Variants in SHC2 observed in about 807,000 individuals in gnomAD.
SHC2 encodes SHC-transforming protein 2.
A neutral mutation model predicts 60.6 loss-of-function variants in SHC2; 62 were observed. That is an observed-to-expected ratio of 1.02 (90% CI 0.83 to 1.26). SHC2 has a LOEUF of 1.26. Among genes scored for constraint, SHC2 ranks in the 50% most tolerant of loss-of-function variants. SHC2 has a pLI of 0.00. For missense variants in SHC2, 873 were observed against 822.2 expected, an observed-to-expected ratio of 1.06 and a Z score of -0.76; for synonymous variants, 375 against 372.4, an observed-to-expected ratio of 1.01 and a Z score of -0.08.
At chr19:456,683 T>G (rs559934279) in intron 1 of SHC2, among the ~76,000 whole-genome samples, 77 of 146,250 alleles carry the variant, frequency 5.3e-4, no homozygotes, top group African/African-American at 1.9e-3. Flanking sequence ...GCTCCCTGCG[T>G]GGGGCCTTTG....
At position 425,858 on chromosome 19, in the gene SHC2, G is replaced by C. The variant is rs1037630885; in HGVS notation, c.1175-627C>G. Among the ~76,000 whole-genome samples the C allele has an allele frequency of 6.6e-6, 1 of 151,860 alleles. No individual in the cohort carries two copies. The highest frequency in any genetic ancestry group is 2.4e-5 in the African/African-American group (1 of 41,354). Reference sequence around the variant, plus strand: ...AGCCTGGCCAACATGGTGAAACCCCGTCTCTACTAAAAATGCAAAAATTAG... The same window carrying C: ...AGCCTGGCCAACATGGTGAAACCCCCTCTCTACTAAAAATGCAAAAATTAG... On this transcript the variant is annotated intron_variant, in intron 9 of 12. Transcript: ENST00000264554. The surrounding 1 kb of genome is among the most constrained non-coding windows in gnomAD (Gnocchi z 4.1).
At chr19:449,029 A>G (rs1273250268) in intron 1 of SHC2, among the ~76,000 whole-genome samples, 3 of 151,782 alleles carry the variant, frequency 2.0e-5, no homozygotes, top group Admixed American at 6.6e-5. Flanking sequence ...GTAGCCAGGC[A>G]TGGTGGTGCA....
chr19:417,364 G>A (rs1296816549), intron 12 of SHC2, 42 bp from the exon 13 acceptor site: 1 of 152,398 alleles, frequency 6.6e-6, no homozygotes, highest in African/African-American at 2.4e-5. Context: ...CTGAGACGGT[G>A]GCCGCAGACC....
rs1192495786 is a variant in SHC2, at chr19:460,670, G to GCGAC, written c.326_327insGTCG (p.Gly110SerfsTer65). 7 of 1,087,642 alleles carry GCGAC rather than the reference G, an allele frequency of 6.4e-6. No individual in the cohort carries two copies. The highest frequency in any genetic ancestry group is 5.5e-5 in the Admixed American group (1 of 18,338). 67.4% of individuals were successfully genotyped at this position (1,087,642 alleles called of 1,614,324 possible). On this transcript the variant is annotated frameshift_variant, in exon 1 of 13. Coordinates refer to ENST00000264554, the MANE Select transcript of SHC2 (RefSeq NM_012435.3). LOFTEE classifies it high-confidence loss of function. ...CCCCGGACCCCGCCGCCCCCCGCCC[G>GCGAC]CCCCGCGACCCCCGCGACCCCGCGC... is the stretch of plus-strand genomic sequence containing the variant.
intron 1 of SHC2, among the ~76,000 whole-genome samples, chr19:451,536 GGGAGGTATATATCCAAGAAGTGAAATT>G (rs1365318320): frequency 2.6e-5 from 4 of 152,206 alleles, no homozygotes; most frequent in African/African-American, 7.2e-5. Flanking sequence ...CTCCATTTCT[GGGAGGTATATATCCAAGAAGTGAAATT>G]GGTGGATCAT....
At chr19:451,380 G>C (rs895320757) in intron 1 of SHC2, among the ~76,000 whole-genome samples, 7 of 149,176 alleles carry the variant, frequency 4.7e-5, no homozygotes, top group African/African-American at 1.8e-4. Context: ...CACGCCGTGG[G>C]CCACGTCGTA....
At chr19:427,153 G>A (rs998095039) in intron 9 of SHC2, among the ~76,000 whole-genome samples, 1 of 152,230 alleles carries the variant, frequency 6.6e-6, no homozygotes, top group Non-Finnish European at 1.5e-5. Context: ...GGGCTCTGAC[G>A]CTTGGCAGCG....
intron 1 of SHC2, among the ~76,000 whole-genome samples, chr19:458,845 G>A (rs1975462396): frequency 6.6e-6 from 1 of 151,952 alleles, no homozygotes; most frequent in South Asian, 2.1e-4. Context: ...GGGTTCCGGG[G>A]AGGCGGAAGC....
intron 1 of SHC2, among the ~76,000 whole-genome samples, chr19:450,058 C>G (rs944490404): frequency 1.3e-5 from 2 of 152,254 alleles, no homozygotes; most frequent in African/African-American, 4.8e-5. Context: ...CAGCCCCCGT[C>G]AGTGCCCCTG....
Position 422,345 on chromosome 19 carries a change from G to A in SHC2, c.1421C>T (p.Pro474Leu). The change falls in exon 11 of 13, where the codon CCT becomes CTT. Residue 474 changes from proline (P) to leucine (L), a missense_variant. By Grantham distance (98) the Pro-to-Leu change is moderately conservative. Transcript: ENST00000264554. The surrounding 1 kb of genome is among the most constrained non-coding windows in gnomAD (Gnocchi z 5.0). ...QWPSPPTRRA[P>L]VAPTEEQLRQ... is the part of the protein sequence containing the mutation. ...CAGCTGTTCCTCCGTGGGGGCCACAGGGGCCCGGCGGGTAGGGGGGCTGGG... is the reference window on the plus strand; with the variant it reads ...CAGCTGTTCCTCCGTGGGGGCCACAAGGGCCCGGCGGGTAGGGGGGCTGGG... 1.2e-6 allele frequency: 2 copies of A among 1,607,576 alleles called. No individual in the cohort carries two copies. The highest frequency in any genetic ancestry group is 8.5e-7 in the Non-Finnish European group (1 of 1,177,704).
At chr19:443,633 G>A (rs1600308601) in intron 1 of SHC2, among the ~76,000 whole-genome samples, 1 of 142,912 alleles carries the variant, frequency 7.0e-6, no homozygotes, top group East Asian at 2.2e-4. Flanking sequence ...TGGATGGATG[G>A]ACAGATGGAT....
At position 460,630 on chromosome 19, in the gene SHC2, C is replaced by A; in HGVS notation, c.367G>T (p.Ala123Ser). The change falls in exon 1 of 13, where the codon GCC becomes TCC. Residue 123 changes from alanine to serine, a missense_variant. Ala to Ser is a moderately conservative substitution (Grantham distance 99, BLOSUM62 1). Transcript: ENST00000264554. Reference sequence around the variant, plus strand: ...AAGCTGCCCTTCCGGATCCACTCGGCGGCGGCGGCGGCGTCCCCGGACCCC... The same window carrying A: ...AAGCTGCCCTTCCGGATCCACTCGGAGGCGGCGGCGGCGTCCCCGGACCCC... ...AAGSGDAAAAAEWIRKGSFIH... is the reference protein window; with the variant it reads ...AAGSGDAAAASEWIRKGSFIH... 7.7e-7 allele frequency: 1 copy of A among 1,305,470 alleles called. No homozygotes were observed. The highest frequency in any genetic ancestry group is 3.4e-5 in the East Asian group (1 of 29,606). 80.9% of individuals were successfully genotyped at this position (1,305,470 alleles called of 1,614,324 possible). A position where few individuals can be genotyped will look rare whatever the true frequency, so the allele number is the denominator to read the frequency against.
At chr19:439,370 G>A (rs932713970) in intron 2 of SHC2, 1 of 358,550 alleles carries the variant, frequency 2.8e-6, no homozygotes. Flanking sequence ...GTGTGTCCCT[G>A]GCCTCGGCCC....
At chr19:430,597 G>A (rs1198987355) in intron 9 of SHC2, 87 bp downstream of exon 9, 4 of 1,026,506 alleles carry the variant, frequency 3.9e-6, no homozygotes, top group Non-Finnish European at 5.8e-6. Flanking sequence ...GCAGAGAGGA[G>A]AAAGACTGAG....
At chr19:459,722 G>A (rs1025608821) in intron 1 of SHC2, among the ~76,000 whole-genome samples, 1 of 152,230 alleles carries the variant, frequency 6.6e-6, no homozygotes, top group Admixed American at 6.5e-5. Flanking sequence ...ACAGGCTAAT[G>A]TTCCTGGCCG....
chr19:424,840 C>A lies in SHC2; in HGVS notation c.1309+257G>T, dbSNP rs1323122028. On this transcript the variant is annotated intron_variant, in intron 10 of 12. Coordinates refer to ENST00000264554, the MANE Select transcript of SHC2 (RefSeq NM_012435.3). The surrounding 1 kb of genome is among the most constrained non-coding windows in gnomAD (Gnocchi z 4.5). Reference sequence around the variant, plus strand: ...CCATTACACTGCTCGGCCGCATTCGCTAGAGAGAATGGGCCTCCCCTGTCA... The same window carrying A: ...CCATTACACTGCTCGGCCGCATTCGATAGAGAGAATGGGCCTCCCCTGTCA... Among the ~76,000 whole-genome samples, 5 of 152,154 alleles carry A rather than the reference C, an allele frequency of 3.3e-5. No individual in the cohort carries two copies.
At chr19:443,144 G>A (rs1041785263) in intron 1 of SHC2, among the ~76,000 whole-genome samples, 1 of 150,598 alleles carries the variant, frequency 6.6e-6, no homozygotes, top group Non-Finnish European at 1.5e-5. Flanking sequence ...GTAGATGGGT[G>A]GGTGGATGAA....
intron 9 of SHC2, among the ~76,000 whole-genome samples, chr19:429,267 C>T (rs371558028): frequency 6.8e-5 from 10 of 147,500 alleles, no homozygotes; most frequent in East Asian, 2.1e-4. Context: ...TGCACGGAAA[C>T]CTCATACCGT....
intron 1 of SHC2, among the ~76,000 whole-genome samples, chr19:443,343 T>A (rs1600307936): frequency 1.4e-5 from 2 of 144,624 alleles, no homozygotes; most frequent in South Asian, 4.5e-4. Flanking sequence ...GGTGGATGGA[T>A]GTGTAGGTGG....
Sources: allele counts gnomAD v4.1 joint callset (sites outside exome capture counted in the v4.1 genomes callset), GRCh38; gene constraint gnomAD v4.1.1; non-coding constraint Gnocchi (gnomAD v3.1); transcripts MANE v1.5; gene names NCBI Gene and HGNC (gene_info 2026-07-23, HGNC 2026-07-21).